The following IFT81 variants were observed in gnomAD, a reference collection of about 807,000 sequenced individuals.
IFT81 encodes the protein intraflagellar transport protein 81 homolog.
In IFT81, 72 loss-of-function variants were observed where a neutral mutation model predicts 102.6. That is an observed-to-expected ratio of 0.70 (90% CI 0.58 to 0.85). IFT81 has a LOEUF of 0.85. Among genes scored for constraint, IFT81 ranks in the 40% least tolerant of loss-of-function variants. The probability of loss-of-function intolerance (pLI) is 0.00; values close to 1 mark genes in which losing one functional copy is unlikely to be tolerated. For missense variants in IFT81, 723 were observed against 787.3 expected, an observed-to-expected ratio of 0.92 and a Z score of 0.98; for synonymous variants, 237 against 242.7, an observed-to-expected ratio of 0.98 and a Z score of 0.22.
chr12:110,163,969 TATTAA>T (rs1896299196), intron 11 of IFT81, among the ~76,000 whole-genome samples: 2 of 152,146 alleles, frequency 1.3e-5, no homozygotes, highest in African/African-American at 2.4e-5. Context: ...TATTTATAAA[TATTAA>T]ATTATAAAAG....
chr12:110,209,183 CA>C lies in IFT81; in HGVS notation c.1820del (p.Asn607IlefsTer27). 10 of 1,546,784 alleles carry C rather than the reference CA, an allele frequency of 6.5e-6. No individual in the cohort carries two copies. The highest frequency in any genetic ancestry group is 1.7e-5 in the Admixed American group (1 of 58,268). On this transcript the variant is annotated frameshift_variant, in exon 18 of 19. Coordinates refer to ENST00000242591, the MANE Select transcript of IFT81 (RefSeq NM_014055.4). LOFTEE classifies it high-confidence loss of function. ...KRKAIREQYTKNTAEQENLGK... is the reference protein window; with the variant it reads ...KRKAIREQYTXNTAEQENLGK... ...GTTGACTCCCTAGGGAACAGTATAC[CA>C]AAAATACTGCTGAACAAGAAAACCT...
At chr12:110,146,182 G>A (rs1895217867) in intron 9 of IFT81, among the ~76,000 whole-genome samples, 2 of 152,238 alleles carry the variant, frequency 1.3e-5, no homozygotes, top group Non-Finnish European at 2.9e-5. Context: ...TTCAAAGGAT[G>A]GATACACTGA....
chr12:110,158,349 A>G (rs763940501), intron 10 of IFT81, among the ~76,000 whole-genome samples: 8 of 152,092 alleles, frequency 5.3e-5, no homozygotes, highest in African/African-American at 2.4e-5. Context: ...CCAAAGTGGT[A>G]GGATTACAGG....
At chr12:110,148,561 C>T (rs549101066) in intron 10 of IFT81, among the ~76,000 whole-genome samples, 4 of 151,904 alleles carry the variant, frequency 2.6e-5, no homozygotes, top group South Asian at 4.2e-4. Context: ...CTGCAACCTC[C>T]GCCTCCCAGG....
intron 10 of IFT81, 37 bp downstream of exon 10, chr12:110,147,085 T>A (rs781487710): frequency 2.0e-6 from 3 of 1,514,772 alleles, no homozygotes; most frequent in Non-Finnish European, 2.7e-6. Flanking sequence ...TTTAGATCTG[T>A]AAGCATATTC....
intron 10 of IFT81, among the ~76,000 whole-genome samples, chr12:110,154,132 G>T (rs954137180): frequency 3.9e-5 from 6 of 151,944 alleles, no homozygotes; most frequent in African/African-American, 1.5e-4. Context: ...ACAGGTGCCT[G>T]CCACCACCCT....
chr12:110,179,666 AACTGTTATCAC>A (rs1771617624), intron 11 of IFT81, among the ~76,000 whole-genome samples: 1 of 144,812 alleles, frequency 6.9e-6, no homozygotes, highest in African/African-American at 2.5e-5. Context: ...GGCTGCAATG[AACTGTTATCAC>A]ACCACTGCAC....
At chr12:110,180,179 C>G (rs1897263703) in intron 11 of IFT81, among the ~76,000 whole-genome samples, 1 of 151,478 alleles carries the variant, frequency 6.6e-6, no homozygotes, top group Non-Finnish European at 1.5e-5. Context: ...GGAGTTTAAC[C>G]TGGTTAGGGA....
At chr12:110,159,784 A>C (rs140781953) in intron 10 of IFT81, among the ~76,000 whole-genome samples, 1 of 152,312 alleles carries the variant, frequency 6.6e-6, no homozygotes, top group African/African-American at 2.4e-5. Context: ...TTCTGTTCAC[A>C]CTTGCTCCAG....
chr12:110,214,626 T>A (rs1869858978), intron 18 of IFT81, among the ~76,000 whole-genome samples: 1 of 152,208 alleles, frequency 6.6e-6, no homozygotes, highest in Admixed American at 6.5e-5. Flanking sequence ...GATAATAAGA[T>A]TTAAAATATA....
chr12:110,157,272 C>G (rs1895895759), intron 10 of IFT81, among the ~76,000 whole-genome samples: 1 of 152,102 alleles, frequency 6.6e-6, no homozygotes, highest in Non-Finnish European at 1.5e-5. Flanking sequence ...TTGCTTGAAC[C>G]TGGGAGGCGG....
Position 110,136,856 on chromosome 12 carries a change from T to C in IFT81, c.777T>C (p.Pro259=). 6.3e-7 allele frequency: 1 copy of C among 1,594,940 alleles called. No individual in the cohort carries two copies. Residue 259 remains proline, a synonymous_variant, in exon 8 of 19, where the codon CCT becomes CCC. Transcript: ENST00000242591. ...GCCAAGCTGCAGCAGATGCAAAGCC[T>C]GAAAGTAAGTGGAAATTATTATATG... The part of the protein sequence containing the change: ...SMRQAAADAK[P]ESLMKRLEEE...
Position 110,199,205 on chromosome 12 carries a change from C to T in IFT81, c.1558-4659C>T, listed in dbSNP as rs576743438. On this transcript the variant is annotated intron_variant, in intron 14 of 18. Transcript: ENST00000242591. Reference sequence around the variant, plus strand: ...TGGCTTATTTCTAGTATCCAAAGTTCCTTTAGGTATGGTCCTGTTATTTAT... The same window carrying T: ...TGGCTTATTTCTAGTATCCAAAGTTTCTTTAGGTATGGTCCTGTTATTTAT... 6.6e-5 allele frequency among the ~76,000 whole-genome samples: 10 copies of T among 152,122 alleles called. No individual in the cohort carries two copies. In the South Asian group the frequency reaches 1.9e-3, roughly 28 times the overall value.
At chr12:110,144,171 C>T (rs916591838) in intron 9 of IFT81, among the ~76,000 whole-genome samples, 3 of 151,658 alleles carry the variant, frequency 2.0e-5, no homozygotes, top group African/African-American at 7.3e-5. Context: ...AACCACCATG[C>T]CCGGCTAATT....
chr12:110,161,086 A>G (rs1411171735), intron 10 of IFT81, among the ~76,000 whole-genome samples: 1 of 150,606 alleles, frequency 6.6e-6, no homozygotes, highest in Non-Finnish European at 1.5e-5. Context: ...ATTGAAGTAT[A>G]CTATCAATTC....
chr12:110,212,126 A>C (rs1437388657), intron 18 of IFT81, among the ~76,000 whole-genome samples: 1 of 152,050 alleles, frequency 6.6e-6, no homozygotes, highest in East Asian at 1.9e-4. Flanking sequence ...GTGTCTATCT[A>C]TGCTTGTACT....
intron 11 of IFT81, among the ~76,000 whole-genome samples, chr12:110,178,171 T>TG (rs1292776364): frequency 6.6e-6 from 1 of 151,490 alleles, no homozygotes; most frequent in Non-Finnish European, 1.5e-5. Flanking sequence ...CCCAGCACTT[T>TG]GGGAGGCCAA....
At chr12:110,166,909 G>C (rs965226204) in intron 11 of IFT81, among the ~76,000 whole-genome samples, 1 of 151,946 alleles carries the variant, frequency 6.6e-6, no homozygotes, top group Non-Finnish European at 1.5e-5. Context: ...GTAGTTATTT[G>C]ATTGATCTTA....
chr12:110,161,193 G>A (rs1156609358), intron 10 of IFT81, among the ~76,000 whole-genome samples: 1 of 148,426 alleles, frequency 6.7e-6, no homozygotes, highest in Non-Finnish European at 1.5e-5. Flanking sequence ...CAGGCTGGAG[G>A]GCAGTGGTAC....
Sources: gnomAD v4.1 joint callset for allele counts (sites outside exome capture counted in the v4.1 genomes callset) on GRCh38, gnomAD v4.1.1 for gene constraint, MANE v1.5 for transcripts, NCBI Gene and HGNC (gene_info 2026-07-23, HGNC 2026-07-21) for gene names.